Variants in RIC8B observed in about 807,000 individuals in gnomAD.
RIC8B encodes the protein RIC8 guanine nucleotide exchange factor B, also known as chaperone Ric-8B.
A neutral mutation model predicts 57.5 loss-of-function variants in RIC8B; 16 were observed. The observed-to-expected ratio is 0.28, with a 90% CI of 0.19 to 0.42. The LOEUF is 0.42. Ranked by LOEUF, RIC8B falls within the 10% of genes least tolerant of loss-of-function variation. The pLI is 1.00. For synonymous variants in RIC8B, 216 were observed against 250.8 expected (o/e 0.86, Z 1.31); for missense variants, 481 against 677.0 (o/e 0.71, Z 3.21).
At chr12:106,822,077 C>CAAAAA (rs67378158) in intron 3 of RIC8B, among the ~76,000 whole-genome samples, 44 of 37,988 alleles carry the variant, frequency 1.2e-3, no homozygotes, top group Admixed American at 1.7e-3. Flanking sequence ...GACTCCATCT[C>CAAAAA]AAAAAAAAAA....
At chr12:106,847,788 T>G (rs567118785) in intron 6 of RIC8B, among the ~76,000 whole-genome samples, 1 of 152,346 alleles carries the variant, frequency 6.6e-6, no homozygotes, top group East Asian at 1.9e-4. Context: ...TCTGCCCTCA[T>G]TTCTTAGCAC....
intron 1 of RIC8B, among the ~76,000 whole-genome samples, chr12:106,781,441 T>C (rs2043758730): frequency 6.6e-6 from 1 of 152,224 alleles, no homozygotes; most frequent in Admixed American, 6.5e-5. Context: ...ATAAGTTAAG[T>C]ATGATCTAAG....
At chr12:106,865,463 A>C (rs1270129069) in intron 8 of RIC8B, among the ~76,000 whole-genome samples, 3 of 151,922 alleles carry the variant, frequency 2.0e-5, no homozygotes, top group Non-Finnish European at 2.9e-5. Flanking sequence ...AACAGAAAAC[A>C]AAAGAAAGAA....
chr12:106,778,760 T>C (rs569499756), intron 1 of RIC8B, among the ~76,000 whole-genome samples: 31 of 152,290 alleles, frequency 2.0e-4, no homozygotes, highest in African/African-American at 7.0e-4. Flanking sequence ...AAAAAGTTTC[T>C]TTTTCAGGAG....
At chr12:106,873,268 C>T in intron 9 of RIC8B, 1 of 754,846 alleles carries the variant, frequency 1.3e-6, no homozygotes, top group Non-Finnish European at 1.6e-6. Flanking sequence ...AAGCAAAAGG[C>T]AACCTTGAGA....
chr12:106,844,214 G>T (rs549208289), intron 6 of RIC8B, among the ~76,000 whole-genome samples: 5 of 152,100 alleles, frequency 3.3e-5, no homozygotes, highest in South Asian at 2.1e-4. Context: ...GTAGAGAGGG[G>T]GACAAAAAGT....
chr12:106,848,590 T>A (rs190475909), intron 6 of RIC8B, among the ~76,000 whole-genome samples: 1 of 152,230 alleles, frequency 6.6e-6, no homozygotes, highest in African/African-American at 2.4e-5. Context: ...GTGGTTGGAT[T>A]GTGGGTATAT....
intron 4 of RIC8B, among the ~76,000 whole-genome samples, chr12:106,841,948 G>A (rs1378986517): frequency 6.6e-6 from 1 of 152,184 alleles, no homozygotes; most frequent in African/African-American, 2.4e-5. Flanking sequence ...TTAATACACA[G>A]CTGAAAGGCC....
At chr12:106,793,168 C>A (rs1458912893) in intron 2 of RIC8B, among the ~76,000 whole-genome samples, 1 of 152,126 alleles carries the variant, frequency 6.6e-6, no homozygotes, top group Non-Finnish European at 1.5e-5. Context: ...ATGGTTCCAC[C>A]CCAGGAAAAG....
At position 106,872,884 on chromosome 12, in the gene RIC8B, A is replaced by AAATGGAAG. The variant is rs970282554; in HGVS notation, c.1571+1944_1571+1951dup. The AAATGGAAG allele has an allele frequency of 4.9e-5, 16 of 328,210 alleles. 1 individual carries two copies. The Middle Eastern group carries it at 4.4e-3, about 91-fold the overall frequency. The allele number at this position is 328,210 out of a possible 1,614,324, so 20.3% of individuals were successfully genotyped here. On this transcript the variant is annotated intron_variant, in intron 9 of 9. Coordinates refer to ENST00000392837, the MANE Select transcript of RIC8B (RefSeq NM_001330145.2). Reference sequence around the variant, plus strand: ...CTGGATGAGTAAACTCCAGGTAGGGAAATGGAAGACAGGGGAAATAACTGC... The same window carrying AAATGGAAG: ...CTGGATGAGTAAACTCCAGGTAGGGAAATGGAAGAATGGAAGACAGGGGAAATAACTGC...
rs566947927 is a variant in RIC8B, at chr12:106,821,583, C to G, written c.742-4143C>G. 1.9e-4 allele frequency among the ~76,000 whole-genome samples: 29 copies of G among 152,036 alleles called. No homozygotes were observed. The South Asian group carries it at 6.0e-3, about 32-fold the overall frequency. On this transcript the variant is annotated intron_variant, in intron 3 of 9. Transcript: ENST00000392837. ...GCAAGTCAAACATTTCTTATATGAG[C>G]AAAGATTTCTAAAACAGGGCAAAAT...
intron 6 of RIC8B, among the ~76,000 whole-genome samples, chr12:106,848,056 A>G (rs1174897158): frequency 6.6e-6 from 1 of 152,126 alleles, no homozygotes; most frequent in Non-Finnish European, 1.5e-5. Flanking sequence ...AAGGAGGTGG[A>G]GGTGTTGCAA....
chr12:106,823,554 C>A, intron 3 of RIC8B: 1 of 405,902 alleles, frequency 2.5e-6, no homozygotes, highest in Non-Finnish European at 4.9e-6. Flanking sequence ...ATTATTATAT[C>A]TAAAATAAAG....
intron 2 of RIC8B, among the ~76,000 whole-genome samples, chr12:106,806,012 C>T (rs112707015): frequency 0.014 from 2,122 of 152,152 alleles, 55 homozygotes; most frequent in African/African-American, 0.049. Context: ...TGCAATGGTG[C>T]GATCTCGGCT....
chr12:106,817,749 C>T (rs1184342321), intron 3 of RIC8B, among the ~76,000 whole-genome samples: 1 of 149,296 alleles, frequency 6.7e-6, no homozygotes, highest in Non-Finnish European at 1.5e-5. Flanking sequence ...GGCATGAACC[C>T]GGGAGGCGGA....
intron 1 of RIC8B, among the ~76,000 whole-genome samples, chr12:106,776,045 A>T (rs2043463277): frequency 6.6e-6 from 1 of 152,118 alleles, no homozygotes; most frequent in Admixed American, 6.5e-5. Context: ...CTGGGAGGAG[A>T]GTGATGGTAT....
chr12:106,814,870 G>C lies in RIC8B; in HGVS notation c.307G>C (p.Asp103His). ...LRLAKLNELD[D>H]SLEKVSEFPV... ...ACTAGCCAAGCTAAATGAGTTAGAT[G>C]ATTCTTTGGAGAAAGTATCAGAGTT... The change falls in exon 3 of 10, where the codon GAT becomes CAT. Residue 103 changes from aspartate to histidine, a missense_variant. This residue lies in a region of RIC8B where 421 missense variants were observed against 560.9 expected (regional missense o/e 0.75). Transcript: ENST00000392837. 1 of 1,614,160 alleles carries C rather than the reference G, an allele frequency of 6.2e-7. No homozygotes were observed.
intron 2 of RIC8B, among the ~76,000 whole-genome samples, chr12:106,805,081 T>C (rs1454791703): frequency 6.6e-6 from 1 of 152,202 alleles, no homozygotes; most frequent in African/African-American, 2.4e-5. Context: ...TTATGGGGGA[T>C]CGGGCCCCTT....
chr12:106,808,179 A>G (rs1287495991), intron 2 of RIC8B, among the ~76,000 whole-genome samples: 2 of 152,164 alleles, frequency 1.3e-5, no homozygotes, highest in Admixed American at 6.5e-5. Flanking sequence ...CAATTTACAT[A>G]GCATTTATGT....
Sources: gnomAD v4.1 joint callset for allele counts (sites outside exome capture counted in the v4.1 genomes callset) on GRCh38, gnomAD v4.1.1 for gene constraint, gnomAD v4.1.1 regional missense constraint, MANE v1.5 for transcripts, NCBI Gene and HGNC (gene_info 2026-07-23, HGNC 2026-07-21) for gene names.